The following RAB7B variants were observed in gnomAD, a reference collection of about 807,000 sequenced individuals.
The protein encoded by RAB7B is ras-related protein Rab-7b.
At chr1:205,998,315 C>A (rs925509426) in intron 1 of RAB7B, among the ~76,000 whole-genome samples, 67 of 152,290 alleles carry the variant, frequency 4.4e-4, no homozygotes, top group African/African-American at 1.6e-3. Flanking sequence ...GAGATCATGC[C>A]ACTGCCCTCC....
At chr1:205,990,504 G>A (rs1660703203) in intron 4 of RAB7B, among the ~76,000 whole-genome samples, 1 of 152,290 alleles carries the variant, frequency 6.6e-6, no homozygotes, top group East Asian at 1.9e-4. Flanking sequence ...ATGCATGAGT[G>A]TGCCTTGTGA....
chr1:205,985,785 C>CACCAGGCCT (rs1660590296), intron 4 of RAB7B, 120 bp from the exon 5 acceptor site: 23 of 356,188 alleles, frequency 6.5e-5, no homozygotes, highest in Non-Finnish European at 1.0e-4. Context: ...CCATCATCCC[C>CACCAGGCCT]ACCAGGCCCA....
chr1:205,982,167 C>T (rs1660507170), intron 5 of RAB7B, among the ~76,000 whole-genome samples: 2 of 152,186 alleles, frequency 1.3e-5, no homozygotes, highest in Admixed American at 6.5e-5. Context: ...CTCACATGGA[C>T]GTCATTATCC....
chr1:205,985,791 GCC>G, intron 4 of RAB7B, 126 bp from the exon 5 acceptor site: 1 of 277,178 alleles, frequency 3.6e-6, no homozygotes, highest in Non-Finnish European at 6.3e-6. Flanking sequence ...TCCCCACCAG[GCC>G]CACCATCCCC....
rs1168126747 is a variant in RAB7B, at chr1:205,989,117, CCCTCTCCTCCAT to C, written c.396+3351_396+3362del. On this transcript the variant is annotated intron_variant, in intron 4 of 5. Coordinates refer to ENST00000617070, the MANE Select transcript of RAB7B (RefSeq NM_001164522.3). ...GCCTACCTTGTTGAGAGACAGGCTCCCCTCTCCTCCATCCTCTCCTCCATCCTCTCCTCACCC... is the reference window on the plus strand; with the variant it reads ...GCCTACCTTGTTGAGAGACAGGCTCCCCTCTCCTCCATCCTCTCCTCACCC... Among the ~76,000 whole-genome samples the C allele has an allele frequency of 3.6e-3, 549 of 151,900 alleles. 3 individuals carry two copies. The highest frequency in any genetic ancestry group is 0.012 in the African/African-American group (497 of 41,346).
intron 5 of RAB7B, among the ~76,000 whole-genome samples, chr1:205,983,121 G>T (rs986472526): frequency 8.5e-5 from 13 of 152,272 alleles, no homozygotes; most frequent in African/African-American, 3.1e-4. Flanking sequence ...GGTTCACGAG[G>T]CCTTGGTGGC....
intron 1 of RAB7B, among the ~76,000 whole-genome samples, chr1:206,001,352 G>A (rs1166791688): frequency 6.6e-6 from 1 of 151,994 alleles, no homozygotes; most frequent in Non-Finnish European, 1.5e-5. Flanking sequence ...AGAAGCGTAG[G>A]ACTATACAGC....
In RAB7B at chr1:205,995,097, C is replaced by T. The variant is rs914779747; in HGVS notation, c.-16-946G>A. 2.3e-3 allele frequency among the ~76,000 whole-genome samples: 356 copies of T among 151,894 alleles called. 2 individuals carry two copies. Among genetic ancestry groups the T allele is most frequent in the Admixed American group, 9.3e-3 (142 of 15,246 alleles). On this transcript the variant is annotated intron_variant, in intron 1 of 5. Coordinates refer to ENST00000617070, the MANE Select transcript of RAB7B (RefSeq NM_001164522.3). ...ACACAGGAAGGGGAACATCACACAC[C>T]GGGGCCTGTCACGGGGTGGGGGCAG...
At chr1:205,979,431 G>C (rs981947618) in intron 5 of RAB7B, among the ~76,000 whole-genome samples, 1 of 152,080 alleles carries the variant, frequency 6.6e-6, no homozygotes, top group African/African-American at 2.4e-5. Context: ...TGTTTCTCCC[G>C]GGCCCTTTTG....
In RAB7B at chr1:205,976,981, G is replaced by T. The variant is rs1000404032; in HGVS notation, c.*1870C>A. Reference sequence around the variant, plus strand: ...AGGCTGCCCCCCTGTTCCCGTGCTGGCTCCATGCTGGTGTCCAGAATGAGC... The same window carrying T: ...AGGCTGCCCCCCTGTTCCCGTGCTGTCTCCATGCTGGTGTCCAGAATGAGC... On this transcript the variant is annotated 3_prime_UTR_variant, in exon 6 of 6. Coordinates refer to ENST00000617070, the MANE Select transcript of RAB7B (RefSeq NM_001164522.3). 10 of 152,168 alleles carry T rather than the reference G, an allele frequency of 6.6e-5. No homozygotes were observed. The highest frequency in any genetic ancestry group is 2.4e-4 in the African/African-American group (10 of 41,430). The allele number at this position is 152,168 out of a possible 1,614,324, so 9.4% of individuals were successfully genotyped here. A position where few individuals can be genotyped will look rare whatever the true frequency, so the allele number is the denominator to read the frequency against.
chr1:205,996,634 T>TA (rs1660816778), intron 1 of RAB7B, among the ~76,000 whole-genome samples: 2 of 152,216 alleles, frequency 1.3e-5, no homozygotes, highest in South Asian at 4.1e-4. Flanking sequence ...TTAGGATTGT[T>TA]AGTGTCCCCT....
intron 4 of RAB7B, among the ~76,000 whole-genome samples, chr1:205,991,514 C>T (rs1174376025): frequency 1.3e-5 from 2 of 152,204 alleles, no homozygotes; most frequent in Non-Finnish European, 2.9e-5. Flanking sequence ...GCTCCTCAAA[C>T]TCGCCATGTC....
intron 1 of RAB7B, among the ~76,000 whole-genome samples, chr1:205,998,068 A>G (rs979693101): frequency 6.6e-5 from 10 of 152,186 alleles, no homozygotes; most frequent in African/African-American, 2.2e-4. Context: ...AAAGGCTGAG[A>G]AGGCAGGCTG....
At chr1:205,993,340 T>C in intron 3 of RAB7B, 80 bp downstream of exon 3, 1 of 396,522 alleles carries the variant, frequency 2.5e-6, no homozygotes, top group Non-Finnish European at 4.4e-6. Flanking sequence ...CTGGTTCACA[T>C]TGCTACATGA....
At chr1:205,990,791 CTTTT>C (rs1188419083) in intron 4 of RAB7B, among the ~76,000 whole-genome samples, 3 of 138,646 alleles carry the variant, frequency 2.2e-5, no homozygotes, top group Non-Finnish European at 4.6e-5. Context: ...TTCTTTCTTT[CTTTT>C]TTTTTTTTTT....
rs892022057 is a variant in RAB7B at position 205,977,199 on chromosome 1, T to C, written c.*1652A>G. On this transcript the variant is annotated 3_prime_UTR_variant, in exon 6 of 6. Transcript: ENST00000617070. ...TCTGCAGTGGGCATGGACTTGGCCA[T>C]TGAAGACCCTGAGAGGACATCTTGT... 2 of 152,164 alleles carry C rather than the reference T, an allele frequency of 1.3e-5. No homozygotes were observed. The highest frequency in any genetic ancestry group is 2.9e-5 in the Non-Finnish European group (2 of 68,028). The allele number at this position is 152,164 out of a possible 1,614,324, so 9.4% of individuals were successfully genotyped here.
At chr1:205,995,098 G>A (rs946074965) in intron 1 of RAB7B, among the ~76,000 whole-genome samples, 3 of 152,086 alleles carry the variant, frequency 2.0e-5, no homozygotes, top group African/African-American at 7.2e-5. Flanking sequence ...ATCACACACC[G>A]GGGCCTGTCA....
chr1:205,996,182 G>C (rs1169984591), intron 1 of RAB7B, among the ~76,000 whole-genome samples: 1 of 128,132 alleles, frequency 7.8e-6, no homozygotes, highest in Admixed American at 8.6e-5. Flanking sequence ...GTGTGTGTGT[G>C]TTTAACAAGG....
At chr1:205,987,374 C>A (rs1210967638) in intron 4 of RAB7B, among the ~76,000 whole-genome samples, 2 of 152,170 alleles carry the variant, frequency 1.3e-5, no homozygotes, top group Admixed American at 1.3e-4. Context: ...ATTAATGTTG[C>A]TTTTGGTCAA....
Sources: gnomAD v4.1 joint callset for allele counts (sites outside exome capture counted in the v4.1 genomes callset) on GRCh38, gnomAD v4.1.1 for gene constraint, MANE v1.5 for transcripts, NCBI Gene and HGNC (gene_info 2026-07-23, HGNC 2026-07-21) for gene names.